GPC5: variants seen among roughly 807,000 people sequenced by gnomAD.
GPC5 encodes glypican 5.
GPC5 carries 47 observed loss-of-function variants against 53.9 expected under a neutral mutation model. The ratio of observed to expected loss-of-function variants is 0.87; its 90% confidence interval spans 0.69 to 1.11. The LOEUF (loss-of-function observed/expected upper bound fraction) is 1.11, where lower values mean the gene tolerates loss of function less well. Ranked by LOEUF, GPC5 falls within the 50% of genes most tolerant of loss-of-function variation. The pLI, the probability that GPC5 is intolerant of heterozygous loss-of-function variation, is 0.00. For missense variants in GPC5, 748 were observed against 713.1 expected, an observed-to-expected ratio of 1.05 and a Z score of -0.56; for synonymous variants, 286 against 263.3, an observed-to-expected ratio of 1.09 and a Z score of -0.84.
At chr13:92,511,747 A>G (rs932762674) in intron 7 of GPC5, among the ~76,000 whole-genome samples, 4 of 152,186 alleles carry the variant, frequency 2.6e-5, no homozygotes, top group African/African-American at 9.7e-5. Context: ...TTCTTCTGAT[A>G]CTTAGCTCTT....
At chr13:92,492,608 A>C (rs1303350388) in intron 7 of GPC5, among the ~76,000 whole-genome samples, 1 of 152,156 alleles carries the variant, frequency 6.6e-6, no homozygotes, top group East Asian at 1.9e-4. Flanking sequence ...TAAACCATAA[A>C]AATGTCCTGG....
At chr13:92,744,812 G>C (rs1328676297) in intron 7 of GPC5, among the ~76,000 whole-genome samples, 1 of 151,938 alleles carries the variant, frequency 6.6e-6, no homozygotes, top group African/African-American at 2.4e-5. Flanking sequence ...TGAAAATATA[G>C]TGTAAGTTTA....
chr13:92,619,803 A>T (rs2139112765), intron 7 of GPC5, among the ~76,000 whole-genome samples: 1 of 152,148 alleles, frequency 6.6e-6, no homozygotes, highest in East Asian at 1.9e-4. Flanking sequence ...TATTTCTAGG[A>T]AAAGCAAAAG....
intron 7 of GPC5, among the ~76,000 whole-genome samples, chr13:92,226,908 C>A (rs1474405187): frequency 1.3e-5 from 2 of 152,034 alleles, no homozygotes; most frequent in African/African-American, 4.8e-5. Flanking sequence ...CTGCAACAAG[C>A]AGAACTTTAA....
At chr13:91,899,562 C>T (rs956019315) in intron 5 of GPC5, among the ~76,000 whole-genome samples, 6 of 151,990 alleles carry the variant, frequency 3.9e-5, no homozygotes, top group African/African-American at 1.4e-4. Context: ...TACTGTACCT[C>T]CAAAATTTAT....
chr13:91,576,213 A>G (rs888531275), intron 2 of GPC5, among the ~76,000 whole-genome samples: 1 of 152,102 alleles, frequency 6.6e-6, no homozygotes, highest in African/African-American at 2.4e-5. Context: ...ACTAATAGCA[A>G]TGTATTGTAT....
rs373992084 is a variant in GPC5 at position 92,743,027 on chromosome 13, C to A, written c.1562-123255C>A. ...AAGTCAGGTAGGGTGATGCCTCCAG[C>A]TTTGTTCTTTTGGCTTAGGATTGAC... is the stretch of plus-strand genomic sequence containing the variant. On this transcript the variant is annotated intron_variant, in intron 7 of 7. Coordinates refer to ENST00000377067, the MANE Select transcript of GPC5 (RefSeq NM_004466.6). Among the ~76,000 whole-genome samples, 52 of 151,816 alleles carry A rather than the reference C, an allele frequency of 3.4e-4. No homozygotes were observed. The East Asian group carries it at 8.9e-3, about 26-fold the overall frequency.
intron 2 of GPC5, among the ~76,000 whole-genome samples, chr13:91,541,140 T>G (rs989548400): frequency 6.6e-6 from 1 of 152,192 alleles, no homozygotes; most frequent in African/African-American, 2.4e-5. Flanking sequence ...CTAATGCTCA[T>G]TCACATGATT....
chr13:91,902,514 C>T (rs993270424), intron 5 of GPC5, among the ~76,000 whole-genome samples: 2 of 151,990 alleles, frequency 1.3e-5, no homozygotes, highest in African/African-American at 4.8e-5. Flanking sequence ...GAAAGAAGCA[C>T]AGATGGTGGG....
intron 6 of GPC5, among the ~76,000 whole-genome samples, chr13:91,985,001 C>T (rs2040393574): frequency 6.6e-6 from 1 of 152,118 alleles, no homozygotes; most frequent in Admixed American, 6.5e-5. Context: ...GCAAATTGTA[C>T]ATTCTGTCAT....
intron 2 of GPC5, among the ~76,000 whole-genome samples, chr13:91,688,928 A>C (rs1359159576): frequency 6.6e-6 from 1 of 151,736 alleles, no homozygotes; most frequent in African/African-American, 2.4e-5. Flanking sequence ...GGGAGGCTGA[A>C]GGAGCAGATA....
intron 7 of GPC5, among the ~76,000 whole-genome samples, chr13:92,728,232 C>A (rs2139295742): frequency 6.6e-6 from 1 of 151,516 alleles, no homozygotes; most frequent in South Asian, 2.1e-4. Context: ...CTTCTACATG[C>A]CTCTAGGAAA....
chr13:92,259,013 C>T, intron 7 of GPC5, among the ~76,000 whole-genome samples: 1 of 152,138 alleles, frequency 6.6e-6, no homozygotes. Context: ...AATTTTGCAT[C>T]TTCATATACC....
chr13:92,150,809 C>T (rs1056510101), intron 7 of GPC5, among the ~76,000 whole-genome samples: 9 of 151,572 alleles, frequency 5.9e-5, no homozygotes, highest in African/African-American at 1.2e-4. Flanking sequence ...ATCTATCCCA[C>T]GCCAGAGAAC....
intron 2 of GPC5, among the ~76,000 whole-genome samples, chr13:91,671,930 A>T (rs925097552): frequency 6.6e-6 from 1 of 152,154 alleles, no homozygotes; most frequent in East Asian, 1.9e-4. Context: ...GATCTCAGAG[A>T]TAACACCTCA....
At chr13:91,427,445 T>G (rs184886255) in intron 1 of GPC5, among the ~76,000 whole-genome samples, 2 of 152,318 alleles carry the variant, frequency 1.3e-5, no homozygotes, top group Admixed American at 1.3e-4. Context: ...TTTTAATGCC[T>G]TCCCTGACTG....
At chr13:91,944,365 G>C (rs965329264) in intron 6 of GPC5, among the ~76,000 whole-genome samples, 1 of 151,918 alleles carries the variant, frequency 6.6e-6, no homozygotes, top group African/African-American at 2.4e-5. Context: ...CAAAGTTCTG[G>C]GATTACAGGC....
chr13:92,296,632 G>T (rs112612018), intron 7 of GPC5, among the ~76,000 whole-genome samples: 1 of 152,164 alleles, frequency 6.6e-6, no homozygotes, highest in Non-Finnish European at 1.5e-5. Flanking sequence ...CAAGGCTGGA[G>T]CCCACTCCCT....
intron 7 of GPC5, among the ~76,000 whole-genome samples, chr13:92,556,073 T>C (rs942987791): frequency 6.6e-6 from 1 of 151,782 alleles, no homozygotes; most frequent in Non-Finnish European, 1.5e-5. Flanking sequence ...CTTTATTTCC[T>C]GTAAATTGAG....
Sources: gnomAD v4.1 joint callset for allele counts (sites outside exome capture counted in the v4.1 genomes callset) on GRCh38, gnomAD v4.1.1 for gene constraint, MANE v1.5 for transcripts, NCBI Gene and HGNC (gene_info 2026-07-23, HGNC 2026-07-21) for gene names.